Variants in SPTAN1 observed in about 807,000 individuals in gnomAD.
SPTAN1 encodes spectrin alpha, non-erythrocytic 1.
In SPTAN1, 61 loss-of-function variants were observed where a neutral mutation model predicts 331.3. The observed-to-expected ratio is 0.18, with a 90% confidence interval of 0.15 to 0.23. SPTAN1 has a LOEUF of 0.23. SPTAN1 is among the 10% of genes least tolerant of loss of function. SPTAN1 has a pLI of 1.00. For synonymous variants in SPTAN1, 1,153 were observed against 1,173.9 expected, an observed-to-expected ratio of 0.98 and a Z score of 0.36; for missense variants, 2,043 against 3,147.9, an observed-to-expected ratio of 0.65 and a Z score of 8.40.
At position 128,584,266 on chromosome 9, in the gene SPTAN1, C is replaced by G; in HGVS notation, c.2194-16C>G. On this transcript the variant is annotated splice_polypyrimidine_tract_variant and intron_variant, in intron 16 of 56. Coordinates refer to ENST00000372739, the MANE Select transcript of SPTAN1 (RefSeq NM_001130438.3). ...ACACCCAAAGTAAAGTCTGCTCTGT[C>G]CTTTTGCATTCCCAGGACCGAATTG... 4.3e-6 allele frequency: 7 copies of G among 1,614,166 alleles called. No homozygotes were observed. Among genetic ancestry groups the G allele is most frequent in the Non-Finnish European group, 5.9e-6 (7 of 1,180,036 alleles).
chr9:128,591,259 G>A (rs375684704), intron 21 of SPTAN1, among the ~76,000 whole-genome samples: 13 of 151,958 alleles, frequency 8.6e-5, no homozygotes, highest in African/African-American at 2.9e-4. Context: ...GTAGAGACGG[G>A]GTTTCACTGT....
Position 128,566,773 on chromosome 9 carries a change from A to G in SPTAN1, c.33A>G (p.Thr11=). 6.2e-7 allele frequency: 1 copy of G among 1,614,232 alleles called. No individual in the cohort carries two copies. The highest frequency in any genetic ancestry group is 8.5e-7 in the Non-Finnish European group (1 of 1,180,044). MDPSGVKVLE[T]AEDIQERRQQ... Reference sequence around the variant, plus strand: ...CAAGTGGGGTCAAAGTGCTGGAAACAGCAGAGGACATCCAGGAGAGGCGGC... The same window carrying G: ...CAAGTGGGGTCAAAGTGCTGGAAACGGCAGAGGACATCCAGGAGAGGCGGC... The change falls in exon 2 of 57, where the codon ACA becomes ACG. Residue 11 remains threonine, a synonymous_variant. Transcript: ENST00000372739.
intron 56 of SPTAN1, 27 bp downstream of exon 56, chr9:128,632,982 A>G (rs772875751): frequency 6.2e-7 from 1 of 1,608,600 alleles, no homozygotes; most frequent in South Asian, 1.1e-5. Flanking sequence ...GTGGGTGAAG[A>G]GGTGTCCTTT....
At chr9:128,553,309 C>G (rs1461317915) in intron 1 of SPTAN1, 1 of 152,238 alleles carries the variant, frequency 6.6e-6, no homozygotes, top group Non-Finnish European at 1.5e-5. Context: ...CTTTTCTTTC[C>G]TTGTAATAAA....
chr9:128,578,569 G>A (rs1261369683), intron 9 of SPTAN1, among the ~76,000 whole-genome samples: 2 of 152,168 alleles, frequency 1.3e-5, no homozygotes, highest in African/African-American at 4.8e-5. Context: ...GGTGGCTTAT[G>A]TCTGTAATCC....
At chr9:128,621,087 T>A (rs1192303671) in intron 44 of SPTAN1, 71 bp from the exon 45 acceptor site, 1 of 1,377,864 alleles carries the variant, frequency 7.3e-7, no homozygotes, top group Non-Finnish European at 1.0e-6. Context: ...TTTGTCACTC[T>A]CTGTCCCCGG....
rs940287692 is a variant in SPTAN1, at chr9:128,627,733, G to C, written c.6690-192G>C. 1.1e-5 allele frequency: 9 copies of C among 821,942 alleles called. No homozygotes were observed. The highest frequency in any genetic ancestry group is 1.9e-5 in the Non-Finnish European group (9 of 476,614). The allele number at this position is 821,942 out of a possible 1,614,324, so 50.9% of individuals were successfully genotyped here. ...CAAGTTGTTAGAGATCCCGGATTGA[G>C]TGGGACCATGCAGGGCGCGTGGTCA... On this transcript the variant is annotated intron_variant, in intron 50 of 56. Transcript: ENST00000372739. The surrounding 1 kb of genome is among the most constrained non-coding windows in gnomAD (Gnocchi z 4.9).
chr9:128,628,036 G>C, intron 51 of SPTAN1, 94 bp downstream of exon 51: 1 of 1,501,486 alleles, frequency 6.7e-7, no homozygotes, highest in Non-Finnish European at 9.3e-7. Context: ...CCCGGGATGG[G>C]CCTTCCTGCC....
At chr9:128,570,326 ATATATTTTTTT>A (rs1356882655) in intron 3 of SPTAN1, among the ~76,000 whole-genome samples, 8,419 of 41,538 alleles carry the variant, frequency 0.2, 184 homozygotes, top group Middle Eastern at 0.29. Flanking sequence ...ATATATATAT[ATATATTTTTTT>A]TTTTTTTTTT....
intron 49 of SPTAN1, 127 bp downstream of exon 49, chr9:128,626,814 GTTTCA>G (rs1427906302): frequency 9.1e-7 from 1 of 1,102,656 alleles, no homozygotes; most frequent in Non-Finnish European, 1.3e-6. Flanking sequence ...TTCATCAGAA[GTTTCA>G]TTTCTTTTTG....
intron 31 of SPTAN1, 117 bp from the exon 32 acceptor site, chr9:128,607,487 C>G (rs1334718428): frequency 1.1e-6 from 1 of 903,530 alleles, no homozygotes. Flanking sequence ...TTCAGTAGAT[C>G]AGATTAACCC....
At chr9:128,570,016 T>C (rs544342083) in intron 3 of SPTAN1, among the ~76,000 whole-genome samples, 1 of 152,172 alleles carries the variant, frequency 6.6e-6, no homozygotes, top group Non-Finnish European at 1.5e-5. Flanking sequence ...ATTTGGGCAA[T>C]GTAATATGTG....
intron 1 of SPTAN1, chr9:128,555,497 A>T: frequency 9.9e-7 from 1 of 1,008,408 alleles, no homozygotes; most frequent in Non-Finnish European, 1.3e-6. Context: ...GATCCAAAGA[A>T]AGGGGGAAAA....
At position 128,591,430 on chromosome 9, in the gene SPTAN1, C is replaced by T. The variant is rs777352630; in HGVS notation, c.3007-47C>T. On this transcript the variant is annotated intron_variant, in intron 21 of 56. Coordinates refer to ENST00000372739, the MANE Select transcript of SPTAN1 (RefSeq NM_001130438.3). ...TACACGTGACCTCCTTGGATTCTCCCTCTCAGAGAAGGAATTTACTTTCAG... is the reference window on the plus strand; with the variant it reads ...TACACGTGACCTCCTTGGATTCTCCTTCTCAGAGAAGGAATTTACTTTCAG... 10 of 1,612,942 alleles carry T rather than the reference C, an allele frequency of 6.2e-6. No homozygotes were observed. The East Asian group carries it at 2.2e-4, about 36-fold the overall frequency.
At chr9:128,557,150 A>G (rs1018254331) in intron 1 of SPTAN1, among the ~76,000 whole-genome samples, 5 of 152,298 alleles carry the variant, frequency 3.3e-5, no homozygotes, top group Non-Finnish European at 5.9e-5. Flanking sequence ...TGACCAAACG[A>G]CCCGTTCATC....
At chr9:128,592,136 C>T (rs549464710) in intron 22 of SPTAN1, among the ~76,000 whole-genome samples, 10 of 152,102 alleles carry the variant, frequency 6.6e-5, no homozygotes, top group Non-Finnish European at 1.5e-4. Flanking sequence ...GGGAAATATC[C>T]AGGAAATACA....
intron 24 of SPTAN1, among the ~76,000 whole-genome samples, chr9:128,597,641 GTTTTGTTTTGT>G (rs555281416): frequency 1.3e-5 from 2 of 152,006 alleles, no homozygotes; most frequent in African/African-American, 2.4e-5. Flanking sequence ...TTTTTTGTTT[GTTTTGTTTTGT>G]TTTTGTTTTG....
At chr9:128,622,357 G>A (rs993727806) in intron 45 of SPTAN1, among the ~76,000 whole-genome samples, 1 of 149,102 alleles carries the variant, frequency 6.7e-6, no homozygotes, top group Admixed American at 6.8e-5. Flanking sequence ...TGGAGTGCAG[G>A]GGTGTGATCT....
intron 35 of SPTAN1, 34 bp downstream of exon 35, chr9:128,609,011 C>T: frequency 6.2e-7 from 1 of 1,613,226 alleles, no homozygotes; most frequent in African/African-American, 1.3e-5. Flanking sequence ...TAGTCACCAG[C>T]CCTGAGAGGA....
Sources: allele counts gnomAD v4.1 joint callset (sites outside exome capture counted in the v4.1 genomes callset), GRCh38; gene constraint gnomAD v4.1.1; non-coding constraint Gnocchi (gnomAD v3.1); transcripts MANE v1.5; gene names NCBI Gene and HGNC (gene_info 2026-07-23, HGNC 2026-07-21).